The following TNRC6B variants were observed in gnomAD, a reference collection of about 807,000 sequenced individuals.
TNRC6B encodes the protein trinucleotide repeat containing adaptor 6B, also known as trinucleotide repeat-containing gene 6B protein.
A neutral mutation model predicts 203.6 loss-of-function variants in TNRC6B; 52 were observed. That is an observed-to-expected ratio of 0.26 (90% CI 0.20 to 0.32). The LOEUF is 0.32. TNRC6B is among the 10% of genes least tolerant of loss of function. TNRC6B has a pLI of 1.00. For synonymous variants in TNRC6B, 838 were observed against 845.7 expected, an observed-to-expected ratio of 0.99 and a Z score of 0.16; for missense variants, 1,923 against 2,286.2, an observed-to-expected ratio of 0.84 and a Z score of 3.24.
intron 1 of TNRC6B, among the ~76,000 whole-genome samples, chr22:40,095,511 A>G (rs971646198): frequency 1.5e-4 from 23 of 152,262 alleles, no homozygotes; most frequent in Admixed American, 5.2e-4. Flanking sequence ...GTTTACCCCT[A>G]GCCAAATCTG....
chr22:40,207,418 A>AAAAAATAT (rs1475466762), intron 1 of TNRC6B, among the ~76,000 whole-genome samples: 4 of 128,860 alleles, frequency 3.1e-5, no homozygotes, highest in East Asian at 2.1e-4. Flanking sequence ...AAAAAAAAAA[A>AAAAAATAT]ATATATATAT....
intron 1 of TNRC6B, among the ~76,000 whole-genome samples, chr22:40,211,208 G>A (rs550238167): frequency 5.3e-5 from 8 of 152,162 alleles, no homozygotes; most frequent in Admixed American, 5.2e-4. Flanking sequence ...AGCCTCCTAC[G>A]TAGCTGGGAC....
chr22:40,241,723 T>G (rs143007686), intron 1 of TNRC6B, among the ~76,000 whole-genome samples: 1 of 152,202 alleles, frequency 6.6e-6, no homozygotes, highest in Non-Finnish European at 1.5e-5. Flanking sequence ...GTAATTACTC[T>G]TCTCAACCCT....
At position 40,331,694 on chromosome 22, in the gene TNRC6B, G is replaced by A. The variant is rs1278698318; in HGVS notation, c.*8453G>A. ...TTCAAAAAAAAAAGTCCCACATGTG[G>A]TCATCGTCGCTTCTTTATGTTGTAA... On this transcript the variant is annotated 3_prime_UTR_variant, in exon 23 of 23. Transcript: ENST00000454349. The A allele has an allele frequency of 7.4e-5, 25 of 339,496 alleles. No homozygotes were observed. Among genetic ancestry groups the A allele is most frequent in the Non-Finnish European group, 1.2e-4 (24 of 194,010 alleles). 21.0% of individuals were successfully genotyped at this position (339,496 alleles called of 1,614,324 possible). A position where few individuals can be genotyped will look rare whatever the true frequency, so the allele number is the denominator to read the frequency against.
intron 1 of TNRC6B, among the ~76,000 whole-genome samples, chr22:40,065,577 A>G (rs950436188): frequency 5.3e-5 from 8 of 151,942 alleles, no homozygotes; most frequent in African/African-American, 1.9e-4. Flanking sequence ...TAGGTTTTCT[A>G]ATTTGTTGGC....
chr22:40,232,933 C>T (rs1272543681), intron 1 of TNRC6B, among the ~76,000 whole-genome samples: 1 of 152,046 alleles, frequency 6.6e-6, no homozygotes, highest in South Asian at 2.1e-4. Context: ...GGGCAGAACA[C>T]GAGATCAGGA....
At chr22:40,171,811 A>G (rs2069002642) in intron 4 of TNRC6B, among the ~76,000 whole-genome samples, 1 of 152,000 alleles carries the variant, frequency 6.6e-6, no homozygotes, top group South Asian at 2.1e-4. Flanking sequence ...CCCAGGTCCT[A>G]GCCTCCTGAT....
intron 3 of TNRC6B, among the ~76,000 whole-genome samples, chr22:40,155,930 CAT>C (rs1351899236): frequency 1.3e-5 from 2 of 152,180 alleles, no homozygotes; most frequent in African/African-American, 4.8e-5. Context: ...TGCCGATCAA[CAT>C]GTTTCCTTTT....
Position 40,265,751 on chromosome 22 carries a change from T to C in TNRC6B, c.1521T>C (p.Ser507=). Residue 507 remains serine, a synonymous_variant, in exon 5 of 23, where the codon TCT becomes TCC. Transcript: ENST00000454349. ...GEGNKMTSGV[S]QGEWKQPTGS... Reference sequence around the variant, plus strand: ...GGAACAAAATGACATCTGGGGTCTCTCAGGGAGAATGGAAACAGCCGACTG... The same window carrying C: ...GGAACAAAATGACATCTGGGGTCTCCCAGGGAGAATGGAAACAGCCGACTG... The C allele has an allele frequency of 1.2e-6, 2 of 1,613,942 alleles. No homozygotes were observed. Among genetic ancestry groups the C allele is most frequent in the Non-Finnish European group, 1.7e-6 (2 of 1,179,894 alleles).
intron 9 of TNRC6B, 41 bp from the exon 10 acceptor site, chr22:40,279,954 T>C (rs747488757): frequency 1.9e-6 from 3 of 1,607,340 alleles, no homozygotes; most frequent in African/African-American, 1.3e-5. Flanking sequence ...GGGGGAAACA[T>C]TGATTCTGGA....
At chr22:40,168,082 CT>C (rs2068937117) in intron 4 of TNRC6B, among the ~76,000 whole-genome samples, 3 of 152,178 alleles carry the variant, frequency 2.0e-5, no homozygotes, top group Non-Finnish European at 4.4e-5. Flanking sequence ...TCAAACTGGT[CT>C]CTCTTAGAGC....
At chr22:40,256,661 AGTT>A (rs1486981975) in intron 3 of TNRC6B, among the ~76,000 whole-genome samples, 2 of 152,142 alleles carry the variant, frequency 1.3e-5, no homozygotes, top group South Asian at 4.1e-4. Context: ...TGCAGAGTTG[AGTT>A]GTTGTGATGA....
upstream of TNRC6B, among the ~76,000 whole-genome samples, chr22:40,175,776 A>C (rs2069050470): frequency 6.6e-6 from 1 of 152,248 alleles, no homozygotes; most frequent in Non-Finnish European, 1.5e-5. Context: ...AGTGCTAGGC[A>C]AAGACAGTGG....
intron 5 of TNRC6B, among the ~76,000 whole-genome samples, chr22:40,269,887 CAAAAAA>C (rs34314387): frequency 2.6e-5 from 2 of 77,618 alleles, no homozygotes; most frequent in African/African-American, 1.1e-4. Context: ...GACTCTGTCT[CAAAAAA>C]AAAAAAAAAA....
intron 15 of TNRC6B, among the ~76,000 whole-genome samples, chr22:40,303,361 G>C (rs769989671): frequency 6.6e-6 from 1 of 151,992 alleles, no homozygotes; most frequent in Non-Finnish European, 1.5e-5. Flanking sequence ...AAGGATCAGA[G>C]TTAAGCATAC....
chr22:40,248,163 T>C (rs1310649019), intron 2 of TNRC6B, among the ~76,000 whole-genome samples: 2 of 152,180 alleles, frequency 1.3e-5, no homozygotes, highest in Non-Finnish European at 2.9e-5. Flanking sequence ...GCCCTGTCAC[T>C]GAGGTTGCAG....
chr22:40,131,766 A>C (rs1052843935), intron 3 of TNRC6B, among the ~76,000 whole-genome samples: 1 of 152,336 alleles, frequency 6.6e-6, no homozygotes, highest in African/African-American at 2.4e-5. Context: ...GCAATTTTGT[A>C]TGACCTAACA....
At chr22:40,273,630 T>G (rs1381207786) in intron 7 of TNRC6B, 30 bp downstream of exon 7, 1 of 1,532,720 alleles carries the variant, frequency 6.5e-7, no homozygotes, top group African/African-American at 1.4e-5. Flanking sequence ...TCGCACTTGC[T>G]CATTCGCTCT....
intron 3 of TNRC6B, among the ~76,000 whole-genome samples, chr22:40,137,614 GA>G (rs2068610710): frequency 6.6e-6 from 1 of 152,184 alleles, no homozygotes; most frequent in Admixed American, 6.6e-5. Flanking sequence ...GTTAGAAGCA[GA>G]ACCCCTGCAG....
Sources: allele counts gnomAD v4.1 joint callset (sites outside exome capture counted in the v4.1 genomes callset), GRCh38; gene constraint gnomAD v4.1.1; transcripts MANE v1.5; gene names NCBI Gene and HGNC (gene_info 2026-07-23, HGNC 2026-07-21).